The following COL5A2 variants were observed in gnomAD, a reference collection of about 807,000 sequenced individuals.
COL5A2 encodes collagen type V alpha 2 chain, also known as collagen alpha-2(V) chain.
COL5A2 carries 23 observed loss-of-function variants against 208.2 expected under a neutral mutation model. That is an observed-to-expected ratio of 0.11 (90% CI 0.08 to 0.16). COL5A2 has a LOEUF of 0.16. Ranked by LOEUF, COL5A2 falls within the 10% of genes least tolerant of loss-of-function variation. The probability of loss-of-function intolerance (pLI) is 1.00; values close to 1 mark genes in which losing one functional copy is unlikely to be tolerated. For synonymous variants in COL5A2, 625 were observed against 628.5 expected (o/e 0.99, Z 0.08); for missense variants, 1,590 against 1,956.4 (o/e 0.81, Z 3.53).
chr2:189,387,728 C>CA, the COL5A2 span, among the ~76,000 whole-genome samples: 145 of 151,726 alleles, frequency 9.6e-4, no homozygotes, highest in East Asian at 0.016. Flanking sequence ...TTTACAATGG[C>CA]AAAAAAAAGT....
At chr2:189,160,745 T>A (rs1218508232) in intron 1 of COL5A2, among the ~76,000 whole-genome samples, 4 of 152,122 alleles carry the variant, frequency 2.6e-5, no homozygotes, top group Admixed American at 2.6e-4. Context: ...ATTAAAGTAG[T>A]TGTAGTTTTC....
chr2:189,286,915 A>G, the COL5A2 span, among the ~76,000 whole-genome samples: 2 of 152,164 alleles, frequency 1.3e-5, no homozygotes, highest in South Asian at 4.1e-4. Context: ...TCTTTCAAAA[A>G]TCAGAAGCAA....
chr2:189,282,990 C>T, the COL5A2 span, among the ~76,000 whole-genome samples: 52 of 152,016 alleles, frequency 3.4e-4, no homozygotes, highest in Non-Finnish European at 6.5e-4. Flanking sequence ...TATTATACCC[C>T]GAGTTAGGAA....
At chr2:189,288,723 G>A in the COL5A2 span, among the ~76,000 whole-genome samples, 5 of 152,068 alleles carry the variant, frequency 3.3e-5, no homozygotes, top group Non-Finnish European at 7.4e-5. Context: ...TGAGGCCAGC[G>A]TTATCCTGAT....
chr2:189,093,495 G>A (rs1300818390), intron 6 of COL5A2, among the ~76,000 whole-genome samples: 1 of 152,140 alleles, frequency 6.6e-6, no homozygotes, highest in Admixed American at 6.5e-5. Flanking sequence ...GGTGGTGGAG[G>A]TGGCAGTTTG....
the COL5A2 span, among the ~76,000 whole-genome samples, chr2:189,386,665 T>G: frequency 6.6e-6 from 1 of 152,052 alleles, no homozygotes; most frequent in Admixed American, 6.6e-5. Flanking sequence ...AGGCAAAGGA[T>G]ATGAACACAT....
At chr2:189,116,808 G>A (rs1687401081) in intron 1 of COL5A2, among the ~76,000 whole-genome samples, 1 of 152,024 alleles carries the variant, frequency 6.6e-6, no homozygotes, top group South Asian at 2.1e-4. Context: ...TTAAATTTTT[G>A]TTCCACTAAG....
the COL5A2 span, among the ~76,000 whole-genome samples, chr2:189,355,821 G>A: frequency 6.6e-6 from 1 of 152,128 alleles, no homozygotes; most frequent in Non-Finnish European, 1.5e-5. Flanking sequence ...CTGTCATTAT[G>A]ATGCTAGCTG....
At chr2:189,145,874 A>G (rs1410508738) in intron 1 of COL5A2, among the ~76,000 whole-genome samples, 3 of 152,118 alleles carry the variant, frequency 2.0e-5, no homozygotes, top group Non-Finnish European at 4.4e-5. Context: ...ATCTTCAGTT[A>G]AATTATTAAA....
At position 189,045,189 on chromosome 2, in the gene COL5A2, C is replaced by T. The variant is rs771543878; in HGVS notation, c.3353G>A (p.Arg1118His). ...AAAAAGAGAACTTACAGGTAATCCA[C>T]GTTTCCCAGCTCGACCAGGTGGTCC... is the stretch of plus-strand genomic sequence containing the variant. ...PIGPPGRAGK[R>H]GLPGPQGPRG... is the part of the protein sequence containing the mutation. The change falls in exon 47 of 54, where the codon CGT becomes CAT. Residue 1118 changes from arginine to histidine, a missense_variant. Coordinates refer to ENST00000374866, the MANE Select transcript of COL5A2 (RefSeq NM_000393.5). 6.9e-6 allele frequency: 11 copies of T among 1,603,840 alleles called. No homozygotes were observed. Among genetic ancestry groups the T allele is most frequent in the African/African-American group, 4.0e-5 (3 of 74,394 alleles).
At chr2:189,040,135 C>T (rs1685528336) in intron 50 of COL5A2, among the ~76,000 whole-genome samples, 2 of 152,014 alleles carry the variant, frequency 1.3e-5, no homozygotes, top group African/African-American at 4.8e-5. Flanking sequence ...ATTCTCTGTC[C>T]TAAGAAAAAC....
the COL5A2 span, among the ~76,000 whole-genome samples, chr2:189,404,053 A>G: frequency 4.6e-5 from 7 of 152,156 alleles, no homozygotes; most frequent in Non-Finnish European, 1.0e-4. Flanking sequence ...TAAAGGACTC[A>G]CTTGATTAAG....
intron 51 of COL5A2, 96 bp downstream of exon 51, chr2:189,039,176 C>T: frequency 7.1e-7 from 1 of 1,407,156 alleles, no homozygotes; most frequent in Non-Finnish European, 1.0e-6. Flanking sequence ...TCAAATCTAT[C>T]ACTAAGTAGA....
chr2:189,069,551 G>C (rs550908031), intron 18 of COL5A2, among the ~76,000 whole-genome samples: 1 of 152,236 alleles, frequency 6.6e-6, no homozygotes, highest in South Asian at 2.1e-4. Flanking sequence ...GATATTTCAA[G>C]TCTAAAAATT....
At chr2:189,078,850 G>A (rs189774373) in intron 15 of COL5A2, among the ~76,000 whole-genome samples, 72 of 152,280 alleles carry the variant, frequency 4.7e-4, no homozygotes, top group Admixed American at 1.4e-3. Flanking sequence ...GCATTCAACC[G>A]TTAAGAGAAA....
At chr2:189,399,665 T>C in the COL5A2 span, among the ~76,000 whole-genome samples, 1 of 152,094 alleles carries the variant, frequency 6.6e-6, no homozygotes, top group African/African-American at 2.4e-5. Flanking sequence ...CTGCCTTCCA[T>C]TGTTTTTGTT....
the COL5A2 span, among the ~76,000 whole-genome samples, chr2:189,267,395 C>T: frequency 4.2e-4 from 64 of 152,238 alleles, no homozygotes; most frequent in African/African-American, 1.5e-3. Context: ...TTCATCGCTA[C>T]ATATTTGCTT....
Position 189,203,439 on chromosome 2 carries a change from T to G in COL5A2, c.-42+21709A>C, listed in dbSNP as rs138169434. Among the ~76,000 whole-genome samples the G allele has an allele frequency of 8.6e-3, 1,308 of 152,356 alleles. 21 individuals carry two copies. The highest frequency in any genetic ancestry group is 0.03 in the African/African-American group (1,230 of 41,578). ...CACAGCTGTATGCAGAATACTTTAG[T>G]GTTTCTAAAACTGCTGAATTAGACA... On this transcript the variant is annotated intron_variant, in intron 1 of 10. Transcript: ENST00000649966.
chr2:189,203,164 C>T (rs746750425), intron 1 of COL5A2, among the ~76,000 whole-genome samples: 2 of 152,074 alleles, frequency 1.3e-5, no homozygotes, highest in Admixed American at 6.6e-5. Context: ...ATATCATGAC[C>T]GTAATATAAT....
Sources: allele counts gnomAD v4.1 joint callset (sites outside exome capture counted in the v4.1 genomes callset), GRCh38; gene constraint gnomAD v4.1.1; transcripts MANE v1.5; gene names NCBI Gene and HGNC (gene_info 2026-07-23, HGNC 2026-07-21).